The following ZNF529 variants were observed in gnomAD, a reference collection of about 807,000 sequenced individuals.
ZNF529 encodes zinc finger protein 529.
In ZNF529, 11 loss-of-function variants were observed where a neutral mutation model predicts 10.1. That is an observed-to-expected ratio of 1.09 (90% confidence interval 0.69 to 1.81). ZNF529 has a LOEUF of 1.81. ZNF529 is among the 40% of genes most tolerant of loss of function. The pLI, the probability that ZNF529 is intolerant of heterozygous loss-of-function variation, is 0.00. For synonymous variants in ZNF529, 204 were observed against 215.7 expected, an observed-to-expected ratio of 0.95 and a Z score of 0.47; for missense variants, 624 against 666.8, an observed-to-expected ratio of 0.94 and a Z score of 0.71.
intron 1 of ZNF529, among the ~76,000 whole-genome samples, chr19:36,602,052 A>AT (rs35443863): frequency 0.32 from 45,838 of 145,450 alleles, 7,386 homozygotes; most frequent in South Asian, 0.42. Flanking sequence ...GAACGCTACA[A>AT]TTTTTTTTTT....
At chr19:36,558,430 A>G (rs2035561081) in intron 2 of ZNF529, among the ~76,000 whole-genome samples, 1 of 152,140 alleles carries the variant, frequency 6.6e-6, no homozygotes, top group Non-Finnish European at 1.5e-5. Flanking sequence ...TGAAAGCAGT[A>G]AAAGGAAACT....
intron 2 of ZNF529, among the ~76,000 whole-genome samples, chr19:36,585,860 C>T (rs2036568655): frequency 6.6e-6 from 1 of 152,216 alleles, no homozygotes; most frequent in Admixed American, 6.5e-5. Flanking sequence ...CCACACAGCT[C>T]ATTCCCTAGC....
chr19:36,550,934 G>A (rs147017149), intron 4 of ZNF529, among the ~76,000 whole-genome samples: 5 of 152,290 alleles, frequency 3.3e-5, no homozygotes, highest in African/African-American at 9.6e-5. Flanking sequence ...TTCCTGGAAT[G>A]AGATAAAATG....
chr19:36,569,515 A>C (rs1372186014), intron 2 of ZNF529, among the ~76,000 whole-genome samples: 1 of 152,324 alleles, frequency 6.6e-6, no homozygotes, highest in Non-Finnish European at 1.5e-5. Context: ...CTGTAATCCC[A>C]GCACTTAGAG....
intron 2 of ZNF529, among the ~76,000 whole-genome samples, chr19:36,562,162 TGGG>T (rs2035723505): frequency 6.6e-6 from 1 of 151,666 alleles, no homozygotes; most frequent in Non-Finnish European, 1.5e-5. Flanking sequence ...CGCTTGAACC[TGGG>T]AGGCGGAGGT....
chr19:36,552,466 A>T lies in ZNF529; in HGVS notation c.235+2204T>A, dbSNP rs76558516. ...AAAATCAACAACAACAACAACAACA[A>T]CATCAAAGTAAAAACCCACAGGCTT... On this transcript the variant is annotated intron_variant, in intron 4 of 4. Transcript: ENST00000591340. 1.0e-2 allele frequency among the ~76,000 whole-genome samples: 1,515 copies of T among 152,188 alleles called. 18 individuals are homozygous for T. The highest frequency in any genetic ancestry group is 0.033 in the African/African-American group (1,388 of 41,526).
chr19:36,552,292 T>C (rs1272503086), intron 4 of ZNF529, among the ~76,000 whole-genome samples: 2 of 152,012 alleles, frequency 1.3e-5, no homozygotes, highest in African/African-American at 2.4e-5. Flanking sequence ...TAGCCGGGCG[T>C]GGTGGCATGC....
chr19:36,591,383 AAAT>A (rs774953256), intron 1 of ZNF529, among the ~76,000 whole-genome samples: 80 of 152,158 alleles, frequency 5.3e-4, no homozygotes, highest in Non-Finnish European at 8.5e-4. Flanking sequence ...TTCTAAAAAA[AAAT>A]ATATAACTTA....
At chr19:36,580,047 A>G (rs1568610912) in intron 2 of ZNF529, among the ~76,000 whole-genome samples, 1 of 152,138 alleles carries the variant, frequency 6.6e-6, no homozygotes, top group African/African-American at 2.4e-5. Flanking sequence ...AATGTTTGTT[A>G]CTTTTTAAAC....
At chr19:36,556,941 G>C (rs2035498575) in intron 2 of ZNF529, among the ~76,000 whole-genome samples, 1 of 152,214 alleles carries the variant, frequency 6.6e-6, no homozygotes, top group Non-Finnish European at 1.5e-5. Context: ...GCAATTGAGA[G>C]GAGGTTGATT....
chr19:36,599,983 C>T (rs1030150797), intron 1 of ZNF529, among the ~76,000 whole-genome samples: 1 of 152,100 alleles, frequency 6.6e-6, no homozygotes, highest in Non-Finnish European at 1.5e-5. Flanking sequence ...ATTCTCCTGC[C>T]TCAGCCTCCC....
At chr19:36,572,237 G>T in intron 2 of ZNF529, 96 bp downstream of exon 2, 1 of 1,299,394 alleles carries the variant, frequency 7.7e-7, no homozygotes, top group Non-Finnish European at 1.1e-6. Context: ...ATTTGGAAAG[G>T]CAATGGAGGA....
intron 2 of ZNF529, among the ~76,000 whole-genome samples, chr19:36,571,074 G>T (rs190220531): frequency 3.2e-4 from 49 of 152,060 alleles, no homozygotes; most frequent in African/African-American, 1.1e-3. Context: ...AATTAACACA[G>T]GATTACCTTT....
intron 4 of ZNF529, among the ~76,000 whole-genome samples, chr19:36,552,291 G>A (rs756059795): frequency 2.0e-5 from 3 of 152,024 alleles, no homozygotes; most frequent in African/African-American, 4.8e-5. Flanking sequence ...TTAGCCGGGC[G>A]TGGTGGCATG....
At chr19:36,580,285 G>A (rs1028477485) in intron 2 of ZNF529, 2 of 151,878 alleles carry the variant, frequency 1.3e-5, no homozygotes, top group East Asian at 3.9e-4. Flanking sequence ...ATAAGTAGAA[G>A]GAGTACAGTC....
intron 2 of ZNF529, chr19:36,581,698 C>A: frequency 6.5e-6 from 1 of 153,162 alleles, no homozygotes; most frequent in South Asian, 2.0e-4. Context: ...CCTCCCTCTC[C>A]CTTTTGTTCC....
At chr19:36,605,327 C>G (rs2037007409), upstream of ZNF529, 1 of 152,596 alleles carries the variant, frequency 6.6e-6, no homozygotes, top group Non-Finnish European at 1.5e-5. Flanking sequence ...ACGACTCACC[C>G]TGGGCCGGGG....
At chr19:36,573,529 A>T (rs2036229479), upstream of ZNF529, 1 of 469,304 alleles carries the variant, frequency 2.1e-6, no homozygotes, top group Admixed American at 2.4e-5. Flanking sequence ...CGGCAAGGTG[A>T]AGTCGAGGCA....
intron 1 of ZNF529, among the ~76,000 whole-genome samples, chr19:36,601,179 ATTTT>A (rs74174421): frequency 7.1e-6 from 1 of 141,550 alleles, no homozygotes; most frequent in Non-Finnish European, 1.6e-5. Flanking sequence ...TACAAGTGTA[ATTTT>A]TTTTTTTTTT....
Sources: gnomAD v4.1 joint callset for allele counts (sites outside exome capture counted in the v4.1 genomes callset) on GRCh38, gnomAD v4.1.1 for gene constraint, MANE v1.5 for transcripts, NCBI Gene and HGNC (gene_info 2026-07-23, HGNC 2026-07-21) for gene names.